NARS1: variants seen among roughly 807,000 people sequenced by gnomAD.
NARS1 encodes the protein asparaginyl-tRNA synthetase 1.
A neutral mutation model predicts 79.2 loss-of-function variants in NARS1; 65 were observed. The observed-to-expected ratio is 0.82, with a 90% CI of 0.67 to 1.01. The LOEUF (loss-of-function observed/expected upper bound fraction) is 1.01, where lower values mean the gene tolerates loss of function less well. NARS1 is among the 50% of genes least tolerant of loss of function. The pLI is 0.00. For synonymous variants in NARS1, 229 were observed against 238.8 expected (o/e 0.96, Z 0.38); for missense variants, 649 against 673.8 (o/e 0.96, Z 0.41).
At chr18:57,608,483 A>T (rs1479773110) in intron 7 of NARS1, among the ~76,000 whole-genome samples, 15 of 151,120 alleles carry the variant, frequency 9.9e-5, no homozygotes. Flanking sequence ...TCAAATTCTA[A>T]TAAGAAATTC....
intron 9 of NARS1, 167 bp from the exon 10 acceptor site, chr18:57,606,918 C>A: frequency 1.1e-6 from 1 of 943,380 alleles, no homozygotes; most frequent in East Asian, 2.6e-5. Flanking sequence ...GTAGCAATTT[C>A]TTGTTTGCTC....
At chr18:57,612,994 C>G (rs561765786) in intron 5 of NARS1, among the ~76,000 whole-genome samples, 48 of 152,218 alleles carry the variant, frequency 3.2e-4, no homozygotes, top group African/African-American at 1.1e-3. Context: ...CTGGACGCAT[C>G]TTCATCACTA....
chr18:57,618,120 T>TAAA (rs199797842), intron 2 of NARS1, among the ~76,000 whole-genome samples: 1 of 121,120 alleles, frequency 8.3e-6, no homozygotes, highest in African/African-American at 3.1e-5. Context: ...CTACTAGAAA[T>TAAA]AAAAAAAAAA....
chr18:57,621,150 G>T (rs1908280614), intron 1 of NARS1, among the ~76,000 whole-genome samples: 1 of 152,020 alleles, frequency 6.6e-6, no homozygotes, highest in African/African-American at 2.4e-5. Flanking sequence ...ATAAACACCA[G>T]CTCCCTCTGG....
At position 57,606,768 on chromosome 18, in the gene NARS1, T is replaced by C. The variant is rs138820045; in HGVS notation, c.1002-17A>G. 77 of 1,613,850 alleles carry C rather than the reference T, an allele frequency of 4.8e-5. No individual in the cohort carries two copies. The African/African-American group carries it at 9.1e-4, about 19-fold the overall frequency. On this transcript the variant is annotated splice_polypyrimidine_tract_variant and intron_variant, in intron 9 of 13. Coordinates refer to ENST00000256854, the MANE Select transcript of NARS1 (RefSeq NM_004539.4). ...TGAGTGTACCTGAAGAACGAGACAA[T>C]AGCTCAGCACTGCTTTTCTCCTGCA...
In NARS1 at chr18:57,602,905, G is replaced by A; in HGVS notation, c.1290C>T (p.Thr430=). 6.2e-7 allele frequency: 1 copy of A among 1,614,070 alleles called. No individual in the cohort carries two copies. ...PEAPERLMTD[T]INEPILLCRF... is the part of the protein sequence containing the mutation. ...GACACAGCAAGATTGGTTCATTAATGGTGTCTGTCATCAGTCTCTCAGGAG... is the reference window on the plus strand; with the variant it reads ...GACACAGCAAGATTGGTTCATTAATAGTGTCTGTCATCAGTCTCTCAGGAG... The change falls in exon 12 of 14, where the codon ACC becomes ACT. Residue 430 remains threonine (T), a synonymous_variant. Transcript: ENST00000256854.
At chr18:57,616,798 C>T (rs767435342) in intron 2 of NARS1, among the ~76,000 whole-genome samples, 28 of 151,800 alleles carry the variant, frequency 1.8e-4, no homozygotes, top group Non-Finnish European at 2.9e-4. Flanking sequence ...GTCAGGAGAT[C>T]GAGACCATCC....
In NARS1 at chr18:57,620,620, G is replaced by C; in HGVS notation, c.42C>G (p.Ser14Arg). 6.2e-7 allele frequency: 1 copy of C among 1,613,646 alleles called. No homozygotes were observed. The highest frequency in any genetic ancestry group is 8.5e-7 in the Non-Finnish European group (1 of 1,179,750). ...AELYVSDREG[S>R]DATGDGTKEK... Reference sequence around the variant, plus strand: ...CCTTGGTTCCATCTCCCGTGGCATCGCTTCCCTCTCGGTCAGAGACGTACA... The same window carrying C: ...CCTTGGTTCCATCTCCCGTGGCATCCCTTCCCTCTCGGTCAGAGACGTACA... Residue 14 changes from serine to arginine, a missense_variant, in exon 2 of 14, where the codon AGC (serine) becomes AGG (arginine). Transcript: ENST00000256854.
chr18:57,618,235 GC>G (rs201357849), intron 2 of NARS1, among the ~76,000 whole-genome samples: 2,561 of 147,624 alleles, frequency 0.017, 64 homozygotes, highest in African/African-American at 0.052. Flanking sequence ...GTTGCAGTGA[GC>G]CGAGATCATG....
chr18:57,610,982 T>TC (rs1475490632), intron 6 of NARS1, among the ~76,000 whole-genome samples: 1 of 151,312 alleles, frequency 6.6e-6, no homozygotes, highest in Non-Finnish European at 1.5e-5. Flanking sequence ...TTTTTTTTTT[T>TC]TTGAGACAAG....
intron 2 of NARS1, among the ~76,000 whole-genome samples, chr18:57,617,923 A>G (rs1175660741): frequency 2.6e-5 from 4 of 151,062 alleles, no homozygotes; most frequent in African/African-American, 7.3e-5. Context: ...TCAAAAAAAA[A>G]AAAAAGAAAA....
intron 6 of NARS1, among the ~76,000 whole-genome samples, chr18:57,609,769 T>C (rs2051590210): frequency 1.3e-5 from 2 of 152,144 alleles, no homozygotes; most frequent in Admixed American, 6.6e-5. Context: ...ACTATTAAAG[T>C]AACATACAGG....
At chr18:57,605,629 GA>G (rs1396950570) in intron 11 of NARS1, among the ~76,000 whole-genome samples, 1 of 131,354 alleles carries the variant, frequency 7.6e-6, no homozygotes, top group African/African-American at 2.9e-5. Context: ...AAAAAAAAAA[GA>G]AAAAAAAAGA....
chr18:57,607,594 G>A lies in NARS1; in HGVS notation c.651C>T (p.Asp217=). Residue 217 remains aspartate (D), a synonymous_variant, in exon 8 of 14, where the codon GAC becomes GAT. Coordinates refer to ENST00000256854, the MANE Select transcript of NARS1 (RefSeq NM_004539.4). Reference sequence around the variant, plus strand: ...CGTCAGACTCCTCATTGATCAGGTTGTCAGCTCCTCCAGCAGGGGCCAACC... The same window carrying A: ...CGTCAGACTCCTCATTGATCAGGTTATCAGCTCCTCCAGCAGGGGCCAACC... ...LIGLAPAGGA[D]NLINEESDVD... is the part of the protein sequence containing the mutation. The A allele has an allele frequency of 6.2e-7, 1 of 1,614,118 alleles. No individual in the cohort carries two copies. The highest frequency in any genetic ancestry group is 8.5e-7 in the Non-Finnish European group (1 of 1,180,032).
Position 57,607,588 on chromosome 18 carries a change from C to A in NARS1, c.657G>T (p.Leu219=). ...CATCAACGTCAGACTCCTCATTGAT[C>A]AGGTTGTCAGCTCCTCCAGCAGGGG... The part of the protein sequence containing the change: ...GLAPAGGADN[L]INEESDVDVQ... Residue 219 remains leucine (L), a synonymous_variant, in exon 8 of 14, where the codon CTG becomes CTT. Transcript: ENST00000256854. The A allele has an allele frequency of 6.2e-7, 1 of 1,614,082 alleles. No homozygotes were observed. The highest frequency in any genetic ancestry group is 8.5e-7 in the Non-Finnish European group (1 of 1,180,030).
At position 57,603,938 on chromosome 18, in the gene NARS1, T is replaced by C. The variant is rs563740468; in HGVS notation, c.1252-995A>G. Among the ~76,000 whole-genome samples the C allele has an allele frequency of 4.6e-5, 7 of 152,364 alleles. No homozygotes were observed. In the East Asian group the frequency reaches 1.4e-3, roughly 29 times the overall value. On this transcript the variant is annotated intron_variant, in intron 11 of 13. Coordinates refer to ENST00000256854, the MANE Select transcript of NARS1 (RefSeq NM_004539.4). Reference sequence around the variant, plus strand: ...ATGTATCCACTCTAGTGTCCTCATGTGTGTGGAACAGTAGCAATGTATAGT... The same window carrying C: ...ATGTATCCACTCTAGTGTCCTCATGCGTGTGGAACAGTAGCAATGTATAGT...
rs1434661380 is a variant in NARS1 at position 57,611,547 on chromosome 18, A to G, written c.492+90T>C. ...ATTCATTGACATTCACTGTCGACAT[A>G]ATAAATGTTTTAAATAAATGTATAC... On this transcript the variant is annotated intron_variant, in intron 6 of 13. Coordinates refer to ENST00000256854, the MANE Select transcript of NARS1 (RefSeq NM_004539.4). 8.2e-6 allele frequency: 7 copies of G among 854,554 alleles called. No homozygotes were observed. The African/African-American group carries it at 1.1e-4, about 13-fold the overall frequency. 52.9% of individuals were successfully genotyped at this position (854,554 alleles called of 1,614,324 possible).
intron 11 of NARS1, among the ~76,000 whole-genome samples, chr18:57,603,642 C>T (rs1376751310): frequency 6.6e-6 from 1 of 152,198 alleles, no homozygotes; most frequent in East Asian, 1.9e-4. Flanking sequence ...TGACAACTCT[C>T]GTCCCAGTAA....
intron 4 of NARS1, among the ~76,000 whole-genome samples, chr18:57,614,998 G>C (rs920187223): frequency 6.6e-6 from 1 of 151,386 alleles, no homozygotes; most frequent in Non-Finnish European, 1.5e-5. Context: ...CAATATGGGA[G>C]ACTGTTTCTA....
Sources: gnomAD v4.1 joint callset for allele counts (sites outside exome capture counted in the v4.1 genomes callset) on GRCh38, gnomAD v4.1.1 for gene constraint, MANE v1.5 for transcripts, NCBI Gene and HGNC (gene_info 2026-07-23, HGNC 2026-07-21) for gene names.